The following ADK variants were observed in gnomAD, a reference collection of about 807,000 sequenced individuals.
ADK encodes the protein adenosine kinase, also known as N6,N6-dimethyladenosine kinase.
ADK carries 24 observed loss-of-function variants against 44.7 expected under a neutral mutation model. That is an observed-to-expected ratio of 0.54 (90% CI 0.39 to 0.76). The LOEUF (loss-of-function observed/expected upper bound fraction) is 0.76. Ranked by LOEUF, ADK falls within the 30% of genes least tolerant of loss-of-function variation. The pLI is 0.00. For synonymous variants in ADK, 128 were observed against 142.6 expected, an observed-to-expected ratio of 0.90 and a Z score of 0.73; for missense variants, 321 against 425.1, an observed-to-expected ratio of 0.76 and a Z score of 2.15.
intron 4 of ADK, among the ~76,000 whole-genome samples, chr10:74,351,551 T>G (rs1006815678): frequency 1.1e-4 from 17 of 152,138 alleles, no homozygotes; most frequent in African/African-American, 3.6e-4. Flanking sequence ...CAACATAGTT[T>G]TGGAAGTTCT....
At position 74,508,627 on chromosome 10, in the gene ADK, T is replaced by A. The variant is rs148096071; in HGVS notation, c.556-16629T>A. Among the ~76,000 whole-genome samples the A allele has an allele frequency of 3.3e-5, 5 of 152,092 alleles. No individual in the cohort carries two copies. In the South Asian group the frequency reaches 1.0e-3, roughly 32 times the overall value. On this transcript the variant is annotated intron_variant, in intron 6 of 10. Coordinates refer to ENST00000539909, the MANE Select transcript of ADK (RefSeq NM_006721.4). ...GATTAGCAAAAATTTTTAAAATAAGTTTACTAGTTGGTTTAAACTAAGGAG... is the reference window on the plus strand; with the variant it reads ...GATTAGCAAAAATTTTTAAAATAAGATTACTAGTTGGTTTAAACTAAGGAG...
chr10:74,394,098 C>T, intron 4 of ADK, 43 bp from the exon 5 acceptor site: 4 of 1,593,130 alleles, frequency 2.5e-6, no homozygotes, highest in Non-Finnish European at 3.4e-6. Context: ...CTATGTGTAC[C>T]ATTTTTTTGC....
intron 9 of ADK, among the ~76,000 whole-genome samples, chr10:74,638,256 TA>T (rs1853686254): frequency 6.6e-6 from 1 of 152,252 alleles, no homozygotes; most frequent in African/African-American, 2.4e-5. Context: ...AAGTGGGTTT[TA>T]AGCAGGTTTT....
At chr10:74,472,624 G>A (rs1168694643) in intron 6 of ADK, among the ~76,000 whole-genome samples, 2 of 152,086 alleles carry the variant, frequency 1.3e-5, no homozygotes, top group Non-Finnish European at 2.9e-5. Context: ...TTGTCGTCTG[G>A]TAGCTACTAG....
chr10:74,569,229 A>G (rs1564796904), intron 7 of ADK, among the ~76,000 whole-genome samples: 2 of 152,158 alleles, frequency 1.3e-5, no homozygotes, highest in African/African-American at 2.4e-5. Flanking sequence ...TAGTGCCGCA[A>G]TAAACATACG....
chr10:74,261,959 A>G (rs1475613084), intron 3 of ADK, among the ~76,000 whole-genome samples: 2 of 151,712 alleles, frequency 1.3e-5, no homozygotes, highest in Non-Finnish European at 2.9e-5. Flanking sequence ...CTTTAGAGCT[A>G]TGAGTTATTT....
intron 1 of ADK, among the ~76,000 whole-genome samples, chr10:74,181,244 T>TG (rs201319970): frequency 0.019 from 2,908 of 151,680 alleles, 43 homozygotes; most frequent in Non-Finnish European, 0.026. Flanking sequence ...GATTTTTTTT[T>TG]GGGGGGGGTC....
chr10:74,370,149 A>T (rs11001016), intron 4 of ADK, among the ~76,000 whole-genome samples: 5,395 of 152,270 alleles, frequency 0.035, 348 homozygotes, highest in African/African-American at 0.12. Context: ...TTTACATATG[A>T]TACTAATAGA....
chr10:74,525,382 A>T lies in ADK; in HGVS notation c.682A>T (p.Met228Leu), dbSNP rs1848996489. Residue 228 changes from methionine (M) to leucine (L), a missense_variant, in exon 7 of 11, where the codon ATG (methionine) becomes TTG (leucine). Coordinates refer to ENST00000539909, the MANE Select transcript of ADK (RefSeq NM_006721.4). Reference protein sequence around the residue: ...FISQFYKESLMKVMPYVDILF... With the variant: ...FISQFYKESLLKVMPYVDILF... ...TAGCCAGTTCTACAAGGAATCATTG[A>T]TGAAAGTTATGCCTTATGTTGATAT... is the stretch of plus-strand genomic sequence containing the variant. The T allele has an allele frequency of 6.2e-7, 1 of 1,613,618 alleles. No homozygotes were observed. Among genetic ancestry groups the T allele is most frequent in the South Asian group, 1.1e-5 (1 of 91,078 alleles).
At chr10:74,447,301 G>A (rs936226286) in intron 6 of ADK, among the ~76,000 whole-genome samples, 25 of 152,040 alleles carry the variant, frequency 1.6e-4, no homozygotes, top group African/African-American at 5.8e-4. Flanking sequence ...GTGAGGGTGG[G>A]CATTAATGAT....
chr10:74,339,597 T>C (rs938641845), intron 4 of ADK, among the ~76,000 whole-genome samples: 2 of 152,228 alleles, frequency 1.3e-5, no homozygotes, highest in Admixed American at 1.3e-4. Flanking sequence ...GATGGTCCCA[T>C]ACAAAGCTGG....
At chr10:74,665,781 GACAGAC>G (rs1249728760) in intron 9 of ADK, among the ~76,000 whole-genome samples, 10 of 129,494 alleles carry the variant, frequency 7.7e-5, no homozygotes, top group African/African-American at 3.0e-4. Flanking sequence ...GAGAGAGAGA[GACAGAC>G]AGACAGAAGG....
intron 6 of ADK, among the ~76,000 whole-genome samples, chr10:74,434,890 G>A (rs1845129030): frequency 6.6e-6 from 1 of 152,174 alleles, no homozygotes. Context: ...ATTGAACAGG[G>A]AATGGATGAC....
At chr10:74,172,656 C>A (rs1438018075) in intron 1 of ADK, among the ~76,000 whole-genome samples, 14 of 138,662 alleles carry the variant, frequency 1.0e-4, no homozygotes, top group African/African-American at 3.8e-4. Flanking sequence ...GCCATTGCAC[C>A]CCAGCCTGGG....
intron 4 of ADK, among the ~76,000 whole-genome samples, chr10:74,338,939 T>C (rs1328817150): frequency 6.6e-6 from 1 of 152,114 alleles, no homozygotes; most frequent in African/African-American, 2.4e-5. Context: ...ATGTCTACTT[T>C]GGGGAGCTTT....
At chr10:74,392,693 T>C (rs1046930259) in intron 4 of ADK, among the ~76,000 whole-genome samples, 1 of 152,146 alleles carries the variant, frequency 6.6e-6, no homozygotes, top group Non-Finnish European at 1.5e-5. Context: ...TTGTTCCATA[T>C]TTATGAAATC....
intron 8 of ADK, 108 bp downstream of exon 8, chr10:74,589,425 C>G: frequency 8.6e-7 from 1 of 1,163,384 alleles, no homozygotes; most frequent in South Asian, 1.3e-5. Context: ...CTCAGAGCCT[C>G]GCAGCAGTTG....
At chr10:74,687,449 T>A (rs1719705425) in intron 10 of ADK, among the ~76,000 whole-genome samples, 1 of 152,228 alleles carries the variant, frequency 6.6e-6, no homozygotes, top group South Asian at 2.1e-4. Flanking sequence ...TTGTTTGCCC[T>A]TGAACGAGAT....
intron 6 of ADK, among the ~76,000 whole-genome samples, chr10:74,518,060 A>G (rs1229035890): frequency 2.6e-5 from 4 of 152,214 alleles, no homozygotes; most frequent in Admixed American, 6.5e-5. Flanking sequence ...ACTTTCTTGG[A>G]GTAGTCCCAC....
Sources: allele counts gnomAD v4.1 joint callset (sites outside exome capture counted in the v4.1 genomes callset), GRCh38; gene constraint gnomAD v4.1.1; transcripts MANE v1.5; gene names NCBI Gene and HGNC (gene_info 2026-07-23, HGNC 2026-07-21).